The following SMAD3 variants were observed in gnomAD, a reference collection of about 807,000 sequenced individuals.
The protein encoded by SMAD3 is MAD homolog 3.
A neutral mutation model predicts 51.8 loss-of-function variants in SMAD3; 12 were observed. The ratio of observed to expected loss-of-function variants is 0.23; its 90% confidence interval spans 0.15 to 0.38. The LOEUF (loss-of-function observed/expected upper bound fraction) is 0.38. Ranked by LOEUF, SMAD3 falls within the 10% of genes least tolerant of loss-of-function variation. SMAD3 has a pLI of 1.00. For synonymous variants in SMAD3, 238 were observed against 227.7 expected, an observed-to-expected ratio of 1.05 and a Z score of -0.41; for missense variants, 294 against 565.6, an observed-to-expected ratio of 0.52 and a Z score of 4.87.
rs57749736 is a variant in SMAD3 at position 67,183,031 on chromosome 15, A to ATTT, written c.871+1596_871+1598dup. Among the ~76,000 whole-genome samples the ATTT allele has an allele frequency of 1.0e-3, 31 of 29,702 alleles. 2 individuals are homozygous for ATTT. The highest frequency in any genetic ancestry group is 0.01 in the East Asian group (7 of 684). 19.5% of individuals were successfully genotyped at this position (29,702 alleles called of 152,430 possible). ...TATATATATATATATATATATATAT[A>ATTT]TTTTTTTTTTTTTTTTTTTTGGAGC... On this transcript the variant is annotated intron_variant, in intron 6 of 8. Coordinates refer to ENST00000327367, the MANE Select transcript of SMAD3 (RefSeq NM_005902.4).
Position 67,191,088 on chromosome 15 carries a change from G to T in SMAD3, c.*552G>T, listed in dbSNP as rs769408016. Reference sequence around the variant, plus strand: ...AGCAGACCTTGCCCCTTGTGAGCTGGATAGACTTGGGATGGGGAGGGAGGG... The same window carrying T: ...AGCAGACCTTGCCCCTTGTGAGCTGTATAGACTTGGGATGGGGAGGGAGGG... On this transcript the variant is annotated 3_prime_UTR_variant, in exon 9 of 9. Coordinates refer to ENST00000327367, the MANE Select transcript of SMAD3 (RefSeq NM_005902.4). 11 of 235,234 alleles carry T rather than the reference G, an allele frequency of 4.7e-5. No homozygotes were observed. The highest frequency in any genetic ancestry group is 8.9e-5 in the African/African-American group (4 of 45,022). 14.6% of individuals were successfully genotyped at this position (235,234 alleles called of 1,614,324 possible).
intron 1 of SMAD3, among the ~76,000 whole-genome samples, chr15:67,072,717 C>T (rs1395399820): frequency 1.3e-5 from 2 of 152,122 alleles, no homozygotes; most frequent in Non-Finnish European, 2.9e-5. Flanking sequence ...GGGACTAACT[C>T]CTCCCTAAGG....
chr15:67,111,250 G>A (rs1019513794), intron 1 of SMAD3, among the ~76,000 whole-genome samples: 1 of 152,146 alleles, frequency 6.6e-6, no homozygotes, highest in Non-Finnish European at 1.5e-5. Flanking sequence ...TACAATTTGT[G>A]GACTTTTGTG....
chr15:67,137,961 G>C, intron 1 of SMAD3: 2 of 1,179,786 alleles, frequency 1.7e-6, no homozygotes, highest in Non-Finnish European at 2.5e-6. Context: ...CTTCTAGGAA[G>C]GGCTGTATTG....
At chr15:67,078,425 A>T (rs1358310898) in intron 1 of SMAD3, among the ~76,000 whole-genome samples, 1 of 152,202 alleles carries the variant, frequency 6.6e-6, no homozygotes. Context: ...ATTCCAGACC[A>T]CACTGCAATC....
intron 1 of SMAD3, among the ~76,000 whole-genome samples, chr15:67,150,557 A>AT (rs1488097779): frequency 1.3e-5 from 2 of 152,198 alleles, no homozygotes; most frequent in African/African-American, 2.4e-5. Context: ...TGGTGCTCCG[A>AT]TTCGGGCAGA....
At chr15:67,122,028 G>A (rs546665461) in intron 1 of SMAD3, among the ~76,000 whole-genome samples, 16 of 152,318 alleles carry the variant, frequency 1.1e-4, no homozygotes, top group Admixed American at 6.5e-4. Context: ...TCAAGTGCAC[G>A]GGTAGGCTAG....
At chr15:67,146,300 T>A (rs1286182709) in intron 1 of SMAD3, among the ~76,000 whole-genome samples, 1 of 152,250 alleles carries the variant, frequency 6.6e-6, no homozygotes, top group East Asian at 1.9e-4. Context: ...TTGCACATAG[T>A]AGGCCTGTAG....
intron 5 of SMAD3, among the ~76,000 whole-genome samples, chr15:67,178,188 C>T (rs1716418136): frequency 6.6e-6 from 1 of 152,198 alleles, no homozygotes; most frequent in African/African-American, 2.4e-5. Flanking sequence ...TGACCCCAGG[C>T]CTGTCTTTGA....
intron 1 of SMAD3, among the ~76,000 whole-genome samples, chr15:67,090,238 C>T (rs532887031): frequency 1.3e-5 from 2 of 152,244 alleles, no homozygotes; most frequent in South Asian, 4.1e-4. Flanking sequence ...TGGTGCCTCT[C>T]CTGGGGTGGT....
intron 1 of SMAD3, among the ~76,000 whole-genome samples, chr15:67,093,703 G>C (rs879356089): frequency 1.3e-5 from 2 of 152,212 alleles, no homozygotes; most frequent in African/African-American, 4.8e-5. Flanking sequence ...GAACTGGGTC[G>C]GGGTGCCTGC....
At chr15:67,184,438 CAG>C (rs376936774) in intron 6 of SMAD3, among the ~76,000 whole-genome samples, 17 of 152,270 alleles carry the variant, frequency 1.1e-4, no homozygotes, top group African/African-American at 4.1e-4. Context: ...AACGAAGACT[CAG>C]AGGGTGAATA....
chr15:67,084,593 G>A lies in SMAD3; in HGVS notation c.206+18233G>A, dbSNP rs149677633. ...TACTGAGCTTCTTTTGTTGGTGGTG[G>A]TGCCATCAGACACAGTGGTCCAGGA... On this transcript the variant is annotated intron_variant, in intron 1 of 8. Coordinates refer to ENST00000327367, the MANE Select transcript of SMAD3 (RefSeq NM_005902.4). Among the ~76,000 whole-genome samples the A allele has an allele frequency of 1.8e-4, 27 of 152,196 alleles. No individual in the cohort carries two copies. In the East Asian group the frequency reaches 4.8e-3, roughly 27 times the overall value.
intron 1 of SMAD3, among the ~76,000 whole-genome samples, chr15:67,103,878 C>T (rs568596922): frequency 3.0e-4 from 46 of 152,260 alleles, no homozygotes; most frequent in African/African-American, 1.1e-3. Flanking sequence ...TAAACACTTA[C>T]TTGGATTGAT....
At chr15:67,077,450 G>A (rs1960194862) in intron 1 of SMAD3, among the ~76,000 whole-genome samples, 1 of 152,188 alleles carries the variant, frequency 6.6e-6, no homozygotes, top group South Asian at 2.1e-4. Context: ...TCAAAAAGTG[G>A]AGCAGAGAGC....
At position 67,181,305 on chromosome 15, in the gene SMAD3, C is replaced by T. The variant is rs144667334; in HGVS notation, c.723C>T (p.Asn241=). 31 of 1,613,920 alleles carry T rather than the reference C, an allele frequency of 1.9e-5. No individual in the cohort carries two copies. Among genetic ancestry groups the T allele is most frequent in the African/African-American group, 1.5e-4 (11 of 74,930 alleles). The change falls in exon 6 of 9, where the codon AAC becomes AAT. Residue 241 remains asparagine, a synonymous_variant. Coordinates refer to ENST00000327367, the MANE Select transcript of SMAD3 (RefSeq NM_005902.4). Reference sequence around the variant, plus strand: ...GCTCCATCTCCTACTACGAGCTGAACCAGCGCGTCGGGGAGACATTCCACG... The same window carrying T: ...GCTCCATCTCCTACTACGAGCTGAATCAGCGCGTCGGGGAGACATTCCACG... ...FWCSISYYEL[N]QRVGETFHAS...
chr15:67,084,070 CTTTTTTTTTTTTT>C (rs56675753), intron 1 of SMAD3, among the ~76,000 whole-genome samples: 3,224 of 85,180 alleles, frequency 0.038, 156 homozygotes, highest in African/African-American at 0.13. Flanking sequence ...CTTTTTTTTT[CTTTTTTTTTTTTT>C]TTTTTTTTTT....
In SMAD3 at chr15:67,195,080, A is replaced by C; in HGVS notation, c.*4544A>C. The stretch of plus-strand genomic sequence containing the variant: ...ATCTTAAAAGCAGAGCACCTGTTTA[A>C]GCATTGTACCCCTATTGTTAAAGAT... On this transcript the variant is annotated 3_prime_UTR_variant, in exon 9 of 9. Coordinates refer to ENST00000327367, the MANE Select transcript of SMAD3 (RefSeq NM_005902.4). 1 of 233,572 alleles carries C rather than the reference A, an allele frequency of 4.3e-6. No homozygotes were observed. The highest frequency in any genetic ancestry group is 8.5e-6 in the Non-Finnish European group (1 of 117,886). 14.5% of individuals were successfully genotyped at this position (233,572 alleles called of 1,614,324 possible). A position where few individuals can be genotyped will look rare whatever the true frequency, so the allele number is the denominator to read the frequency against.
rs1963339164 is a variant in SMAD3, at chr15:67,190,667, C to T, written c.*131C>T. 1 of 940,390 alleles carries T rather than the reference C, an allele frequency of 1.1e-6. No individual in the cohort carries two copies. The highest frequency in any genetic ancestry group is 1.6e-5 in the African/African-American group (1 of 61,758). The allele number at this position is 940,390 out of a possible 1,614,324, so 58.3% of individuals were successfully genotyped here. A position where few individuals can be genotyped will look rare whatever the true frequency, so the allele number is the denominator to read the frequency against. Reference sequence around the variant, plus strand: ...TCTTTCTCCCTCAACTGAAGGGGTGCACCCACCTGTTTTCTGAAACACACG... The same window carrying T: ...TCTTTCTCCCTCAACTGAAGGGGTGTACCCACCTGTTTTCTGAAACACACG... On this transcript the variant is annotated 3_prime_UTR_variant, in exon 9 of 9. Coordinates refer to ENST00000327367, the MANE Select transcript of SMAD3 (RefSeq NM_005902.4).
Sources: allele counts gnomAD v4.1 joint callset (sites outside exome capture counted in the v4.1 genomes callset), GRCh38; gene constraint gnomAD v4.1.1; transcripts MANE v1.5; gene names NCBI Gene and HGNC (gene_info 2026-07-23, HGNC 2026-07-21).